Variants in MYO16 observed in about 807,000 individuals in gnomAD.
MYO16 encodes the protein unconventional myosin-XVI.
MYO16 carries 94 observed loss-of-function variants against 205.3 expected under a neutral mutation model. That is an observed-to-expected ratio of 0.46 (90% CI 0.39 to 0.54). The LOEUF is 0.54. MYO16 is among the 20% of genes least tolerant of loss of function. MYO16 has a pLI of 0.00. For synonymous variants in MYO16, 988 were observed against 954.0 expected (o/e 1.04, Z -0.66); for missense variants, 2,315 against 2,387.5 (o/e 0.97, Z 0.63).
chr13:108,600,398 A>C (rs975017041), intron 1 of MYO16, among the ~76,000 whole-genome samples: 1 of 152,194 alleles, frequency 6.6e-6, no homozygotes, highest in Non-Finnish European at 1.5e-5. Context: ...AACACAATGC[A>C]TCAAAGGTGC....
the MYO16 span, among the ~76,000 whole-genome samples, chr13:108,574,708 T>TGTGCGC: frequency 2.4e-4 from 20 of 81,724 alleles, no homozygotes; most frequent in African/African-American, 7.8e-4. Flanking sequence ...TGTGTGTGTG[T>TGTGCGC]GCGCTTGTGT....
At chr13:108,797,928 T>G (rs772089643) in intron 6 of MYO16, among the ~76,000 whole-genome samples, 2 of 152,252 alleles carry the variant, frequency 1.3e-5, no homozygotes, top group Non-Finnish European at 2.9e-5. Context: ...TTCAATCATT[T>G]TCAGTTTTTA....
At chr13:109,022,185 T>A (rs1440026307) in intron 23 of MYO16, among the ~76,000 whole-genome samples, 2 of 140,154 alleles carry the variant, frequency 1.4e-5, no homozygotes, top group Non-Finnish European at 3.0e-5. Flanking sequence ...ATTTATATAT[T>A]ATATATTTAT....
rs189573420 is a variant in MYO16, at chr13:109,198,893, C to T, written c.5416-7716C>T. 7.3e-4 allele frequency among the ~76,000 whole-genome samples: 111 copies of T among 152,216 alleles called. 1 individual carries two copies. Among genetic ancestry groups the T allele is most frequent in the Admixed American group, 1.3e-3 (20 of 15,274 alleles). On this transcript the variant is annotated intron_variant, in intron 34 of 34. Coordinates refer to ENST00000457511, the MANE Select transcript of MYO16 (RefSeq NM_001198950.3). ...TTGCATAGTTGGGTTCCATCCCAGG[C>T]ATTCCGGCTCCAGAGGCCAGGTTTT... is the stretch of plus-strand genomic sequence containing the variant.
chr13:108,505,870 G>C, the MYO16 span, among the ~76,000 whole-genome samples: 2 of 152,024 alleles, frequency 1.3e-5, no homozygotes, highest in African/African-American at 4.8e-5. Context: ...AAATGTCATT[G>C]TCTTGCAAGT....
At chr13:109,047,538 A>T (rs780491813) in intron 24 of MYO16, among the ~76,000 whole-genome samples, 8 of 152,164 alleles carry the variant, frequency 5.3e-5, no homozygotes, top group Non-Finnish European at 8.8e-5. Flanking sequence ...TATCTACTAT[A>T]ATTCTACACT....
chr13:108,635,156 T>A (rs1880164884), intron 1 of MYO16, among the ~76,000 whole-genome samples: 1 of 152,178 alleles, frequency 6.6e-6, no homozygotes, highest in Non-Finnish European at 1.5e-5. Flanking sequence ...AGTTTAAGGT[T>A]TTGTAGAAAC....
intron 24 of MYO16, among the ~76,000 whole-genome samples, chr13:109,048,151 ATATGTG>A (rs1566480314): frequency 2.9e-5 from 3 of 105,260 alleles, no homozygotes; most frequent in East Asian, 5.9e-4. Flanking sequence ...TGTTAATAGG[ATATGTG>A]TGTGTGTGTG....
intron 27 of MYO16, among the ~76,000 whole-genome samples, chr13:109,078,814 C>T (rs191714868): frequency 6.6e-6 from 1 of 152,280 alleles, no homozygotes; most frequent in East Asian, 1.9e-4. Flanking sequence ...GTTTTGTACG[C>T]AGTGCCCATG....
chr13:108,605,363 C>T (rs1451292315), intron 1 of MYO16, among the ~76,000 whole-genome samples: 1 of 152,058 alleles, frequency 6.6e-6, no homozygotes, highest in Non-Finnish European at 1.5e-5. Flanking sequence ...GTCCAAGTAT[C>T]CTGCAATGTT....
intron 3 of MYO16, among the ~76,000 whole-genome samples, chr13:108,717,752 AAG>A (rs1374362515): frequency 6.6e-6 from 1 of 152,156 alleles, no homozygotes. Context: ...ATGAGAGAGA[AAG>A]AGAGAATCCT....
At chr13:108,889,334 A>T (rs1028013692) in intron 14 of MYO16, among the ~76,000 whole-genome samples, 1 of 152,222 alleles carries the variant, frequency 6.6e-6, no homozygotes, top group African/African-American at 2.4e-5. Context: ...GGAAGCAAAA[A>T]GACCTGTTAG....
chr13:108,589,286 A>C, the MYO16 span, among the ~76,000 whole-genome samples: 3 of 152,154 alleles, frequency 2.0e-5, no homozygotes, highest in Non-Finnish European at 4.4e-5. Flanking sequence ...TTATGATCTA[A>C]TTATCATTGT....
chr13:109,139,626 G>A (rs1315037989), intron 31 of MYO16, among the ~76,000 whole-genome samples: 10 of 152,206 alleles, frequency 6.6e-5, no homozygotes, highest in Admixed American at 3.3e-4. Flanking sequence ...TGAGCTCTCC[G>A]AAAAAGAAAT....
chr13:108,693,773 C>T (rs1188236917), intron 2 of MYO16, among the ~76,000 whole-genome samples: 1 of 152,114 alleles, frequency 6.6e-6, no homozygotes, highest in Non-Finnish European at 1.5e-5. Flanking sequence ...GAACTCATGT[C>T]ATGGGAGTTT....
At chr13:109,197,106 C>G (rs1290910830) in intron 34 of MYO16, among the ~76,000 whole-genome samples, 1 of 152,110 alleles carries the variant, frequency 6.6e-6, no homozygotes, top group East Asian at 1.9e-4. Context: ...GTGACTGTCC[C>G]CCTCTCCTTC....
chr13:108,895,685 C>T (rs115654557), intron 14 of MYO16, among the ~76,000 whole-genome samples: 212 of 152,282 alleles, frequency 1.4e-3, no homozygotes, highest in African/African-American at 4.9e-3. Flanking sequence ...ACCTTTGAGC[C>T]TTGGGAAAAC....
intron 1 of MYO16, among the ~76,000 whole-genome samples, chr13:108,648,711 G>A (rs1880864005): frequency 6.6e-6 from 1 of 152,060 alleles, no homozygotes; most frequent in South Asian, 2.1e-4. Context: ...GATCTTTATG[G>A]ATTTTTATAT....
At chr13:108,649,741 C>A (rs74896575) in intron 1 of MYO16, among the ~76,000 whole-genome samples, 8,568 of 151,892 alleles carry the variant, frequency 0.056, 568 homozygotes, top group East Asian at 0.18. Context: ...AGAATAAAGC[C>A]AAGGGTGTTT....
Sources: gnomAD v4.1 joint callset for allele counts (sites outside exome capture counted in the v4.1 genomes callset) on GRCh38, gnomAD v4.1.1 for gene constraint, MANE v1.5 for transcripts, NCBI Gene and HGNC (gene_info 2026-07-23, HGNC 2026-07-21) for gene names.